The following THRA variants were observed in gnomAD, a reference collection of about 807,000 sequenced individuals.
The protein encoded by THRA is EAR-7.
THRA carries 13 observed loss-of-function variants against 45.0 expected under a neutral mutation model. The observed-to-expected ratio is 0.29, with a 90% CI of 0.19 to 0.46. The LOEUF (loss-of-function observed/expected upper bound fraction) is 0.46. Among genes scored for constraint, THRA ranks in the 20% least tolerant of loss-of-function variants. THRA has a pLI of 1.00. For synonymous variants in THRA, 195 were observed against 214.0 expected (o/e 0.91, Z 0.78); for missense variants, 278 against 556.1 (o/e 0.50, Z 5.03).
In THRA at chr17:40,089,619, C is replaced by A; in HGVS notation, c.*163C>A. The A allele has an allele frequency of 7.0e-7, 1 of 1,436,222 alleles. No individual in the cohort carries two copies. The allele number at this position is 1,436,222 out of a possible 1,614,324, so 89.0% of individuals were successfully genotyped here. On this transcript the variant is annotated 3_prime_UTR_variant, in exon 9 of 9. Coordinates refer to ENST00000450525, the MANE Select transcript of THRA (RefSeq NM_199334.5). The surrounding 1 kb of genome is among the most constrained non-coding windows in gnomAD (Gnocchi z 6.1). The stretch of plus-strand genomic sequence containing the variant: ...ACACACCCGCACTGCCCAGGTCCCT[C>A]CTCAGACCTCCAGCCCTGGGACAGG...
intron 1 of THRA, among the ~76,000 whole-genome samples, chr17:40,067,186 C>T (rs1986605199): frequency 6.6e-6 from 1 of 152,170 alleles, no homozygotes; most frequent in Non-Finnish European, 1.5e-5. Context: ...GGCCCCTCTG[C>T]CCCACCCTCC....
Position 40,084,787 on chromosome 17 carries a change from G to T in THRA, c.548G>T (p.Ser183Ile). 1 of 1,613,908 alleles carries T rather than the reference G, an allele frequency of 6.2e-7. No homozygotes were observed. The highest frequency in any genetic ancestry group is 8.5e-7 in the Non-Finnish European group (1 of 1,180,018). ...CATCGCAGCACCAATGCCCAGGGCA[G>T]CCATTGGAAACAGAGGCGGAAATTC... ...EAHRSTNAQG[S>I]HWKQRRKFLP... Residue 183 changes from serine to isoleucine, a missense_variant, in exon 6 of 9, where the codon AGC becomes ATC. Ser to Ile is a moderately radical substitution (Grantham distance 142). Transcript: ENST00000450525.
intron 6 of THRA, among the ~76,000 whole-genome samples, chr17:40,085,521 AC>A (rs1987291072): frequency 6.6e-6 from 1 of 151,464 alleles, no homozygotes; most frequent in African/African-American, 2.4e-5. Context: ...TTTAGTAGAG[AC>A]AGGGTTTCAC....
chr17:40,077,526 T>C lies in THRA; in HGVS notation c.140T>C (p.Leu47Pro). Residue 47 changes from leucine to proline, a missense_variant, in exon 4 of 9, where the codon CTG becomes CCG. Around this residue, in one of 6 missense-constraint regions of THRA, gnomAD observed 20 missense variants for 65.2 expected, o/e 0.31. Coordinates refer to ENST00000450525, the MANE Select transcript of THRA (RefSeq NM_199334.5). ...CTCCCAGGGTATATCCCTAGTTACC[T>C]GGACAAAGACGAGCAGTGTGTCGTG... ...TSMSGYIPSYLDKDEQCVVCG... is the reference protein window; with the variant it reads ...TSMSGYIPSYPDKDEQCVVCG... The C allele has an allele frequency of 1.2e-6, 2 of 1,613,998 alleles. No homozygotes were observed. Among genetic ancestry groups the C allele is most frequent in the Non-Finnish European group, 1.7e-6 (2 of 1,179,914 alleles).
intron 1 of THRA, among the ~76,000 whole-genome samples, chr17:40,071,063 T>TC (rs1986758308): frequency 6.7e-6 from 1 of 148,436 alleles, no homozygotes; most frequent in Non-Finnish European, 1.5e-5. Flanking sequence ...TTCTTCCCCC[T>TC]CCTCCCTTCT....
intron 6 of THRA, among the ~76,000 whole-genome samples, chr17:40,086,360 G>A (rs1987319913): frequency 6.6e-6 from 1 of 152,160 alleles, no homozygotes; most frequent in Non-Finnish European, 1.5e-5. Context: ...CCATGCCTCA[G>A]TTTCCACATC....
chr17:40,076,495 CAT>C (rs1986958245), intron 2 of THRA, among the ~76,000 whole-genome samples: 1 of 152,178 alleles, frequency 6.6e-6, no homozygotes, highest in Non-Finnish European at 1.5e-5. Flanking sequence ...TGTTATGTTG[CAT>C]ATGTATGTGT....
At chr17:40,093,079 C>A (rs372962433), downstream of THRA, 4 of 1,613,892 alleles carry the variant, frequency 2.5e-6, no homozygotes, top group Non-Finnish European at 3.4e-6. This position sits in a 1 kb window ranked among gnomAD's most constrained non-coding sequence, Gnocchi z 5.9. Context: ...GCCGGCCGGG[C>A]GGGTCACTGG....
At chr17:40,093,565 T>C (rs1423763067), downstream of THRA, 3 of 1,000,238 alleles carry the variant, frequency 3.0e-6, no homozygotes, top group African/African-American at 1.6e-5. The surrounding 1 kb of genome is among the most constrained non-coding windows in gnomAD (Gnocchi z 5.9). Flanking sequence ...CCCTTGCTTT[T>C]TGCTGTGTAG....
Position 40,074,546 on chromosome 17 carries a change from T to C in THRA, c.53+5T>C, listed in dbSNP as rs770670715. Reference sequence around the variant, plus strand: ...GTCAGACCCAGAGGAGAACAGGTAATGGGTTCAGCAACTAGGTCATGCCAA... The same window carrying C: ...GTCAGACCCAGAGGAGAACAGGTAACGGGTTCAGCAACTAGGTCATGCCAA... On this transcript the variant is annotated splice_donor_5th_base_variant and intron_variant, in intron 2 of 8. Coordinates refer to ENST00000450525, the MANE Select transcript of THRA (RefSeq NM_199334.5). The C allele has an allele frequency of 3.7e-5, 59 of 1,613,862 alleles. No homozygotes were observed. Among genetic ancestry groups the C allele is most frequent in the Non-Finnish European group, 4.7e-5 (55 of 1,179,910 alleles).
Position 40,074,186 on chromosome 17 carries a change from C to A in THRA, c.-297-6C>A. The A allele has an allele frequency of 2.4e-6, 1 of 409,530 alleles. No individual in the cohort carries two copies. The highest frequency in any genetic ancestry group is 4.6e-6 in the Non-Finnish European group (1 of 217,568). The allele number at this position is 409,530 out of a possible 1,614,324, so 25.4% of individuals were successfully genotyped here. On this transcript the variant is annotated splice_polypyrimidine_tract_variant and splice_region_variant and intron_variant, in intron 1 of 8. Transcript: ENST00000450525. ...TCTTACCCCTGCCTCTCTCTTCTCT[C>A]CACAGGGATCTCTGGACAGGACAAG...
At chr17:40,070,892 C>G (rs1405427857) in intron 1 of THRA, among the ~76,000 whole-genome samples, 1 of 149,356 alleles carries the variant, frequency 6.7e-6, no homozygotes, top group Non-Finnish European at 1.5e-5. Context: ...TGTTACCTTT[C>G]TCTCTTTGTC....
chr17:40,079,904 T>C (rs999738292), intron 4 of THRA, among the ~76,000 whole-genome samples: 5 of 152,052 alleles, frequency 3.3e-5, no homozygotes, highest in African/African-American at 9.7e-5. Context: ...CTGTCTCTAC[T>C]AAAAATACCA....
At chr17:40,067,496 G>A (rs1197024480) in intron 1 of THRA, among the ~76,000 whole-genome samples, 1 of 152,242 alleles carries the variant, frequency 6.6e-6, no homozygotes, top group Non-Finnish European at 1.5e-5. Flanking sequence ...AGTGTGAAAG[G>A]TGGTGGCAGA....
intron 1 of THRA, among the ~76,000 whole-genome samples, chr17:40,073,954 G>T (rs751773344): frequency 2.6e-5 from 4 of 152,084 alleles, no homozygotes; most frequent in Non-Finnish European, 4.4e-5. Context: ...GTACATGAAT[G>T]ATCTCATTCT....
Position 40,086,993 on chromosome 17 carries a change from G to GACATAC in THRA, c.723+143_723+144insTACACA, listed in dbSNP as rs1555544907. On this transcript the variant is annotated intron_variant, in intron 7 of 8. Coordinates refer to ENST00000450525, the MANE Select transcript of THRA (RefSeq NM_199334.5). ...TCAACATACACAGATAACATACACA[G>GACATAC]ACACACACACACACATGCATACACA... 13 of 1,047,576 alleles carry GACATAC rather than the reference G, an allele frequency of 1.2e-5. No homozygotes were observed. In the East Asian group the frequency reaches 1.7e-4, roughly 13 times the overall value. The allele number at this position is 1,047,576 out of a possible 1,614,324, so 64.9% of individuals were successfully genotyped here. A position where few individuals can be genotyped will look rare whatever the true frequency, so the allele number is the denominator to read the frequency against.
intron 4 of THRA, among the ~76,000 whole-genome samples, chr17:40,080,784 G>A (rs1427076283): frequency 1.3e-5 from 2 of 148,514 alleles, no homozygotes; most frequent in African/African-American, 5.0e-5. Context: ...GTGCAGTGGC[G>A]CGATCTTGGC....
chr17:40,087,103 T>G (rs1200991180), intron 7 of THRA: 10 of 440,264 alleles, frequency 2.3e-5, no homozygotes, highest in Non-Finnish European at 4.0e-5. Context: ...CAGACACACA[T>G]ACACACACAC....
At chr17:40,070,423 G>A (rs1449675317) in intron 1 of THRA, among the ~76,000 whole-genome samples, 1 of 152,210 alleles carries the variant, frequency 6.6e-6, no homozygotes, top group Non-Finnish European at 1.5e-5. Context: ...CCCGGTCCTA[G>A]AGAGGCCTCT....
Sources: gnomAD v4.1 joint callset for allele counts (sites outside exome capture counted in the v4.1 genomes callset) on GRCh38, gnomAD v4.1.1 for gene constraint, gnomAD v4.1.1 regional missense constraint, Gnocchi (gnomAD v3.1) non-coding constraint, MANE v1.5 for transcripts, NCBI Gene and HGNC (gene_info 2026-07-23, HGNC 2026-07-21) for gene names.